The following LTBP1 variants were observed in gnomAD, a reference collection of about 807,000 sequenced individuals.
The protein encoded by LTBP1 is latent transforming growth factor beta binding protein 1.
In LTBP1, 129 loss-of-function variants were observed where a neutral mutation model predicts 207.6. The ratio of observed to expected loss-of-function variants is 0.62; its 90% CI spans 0.54 to 0.72. LTBP1 has a LOEUF of 0.72. Among genes scored for constraint, LTBP1 ranks in the 30% least tolerant of loss-of-function variants. The probability of loss-of-function intolerance (pLI) is 0.00; values close to 1 mark genes in which losing one functional copy is unlikely to be tolerated. For synonymous variants in LTBP1, 963 were observed against 833.7 expected (o/e 1.16, Z -2.67); for missense variants, 2,281 against 2,217.2 (o/e 1.03, Z -0.58).
At chr2:33,199,979 T>C (rs1357113784) in intron 7 of LTBP1, among the ~76,000 whole-genome samples, 3 of 151,918 alleles carry the variant, frequency 2.0e-5, no homozygotes, top group Non-Finnish European at 4.4e-5. Context: ...TAAAAGAGGA[T>C]ACAAACAAAT....
intron 7 of LTBP1, among the ~76,000 whole-genome samples, chr2:33,197,576 T>TG (rs1558797139): frequency 6.6e-6 from 1 of 152,178 alleles, no homozygotes; most frequent in Non-Finnish European, 1.5e-5. Flanking sequence ...TGTATAAGGG[T>TG]GTCCTTTGTT....
chr2:33,059,112 G>A (rs1572431096), intron 3 of LTBP1, among the ~76,000 whole-genome samples: 1 of 152,186 alleles, frequency 6.6e-6, no homozygotes, highest in African/African-American at 2.4e-5. Flanking sequence ...GGCAGCACTA[G>A]GCAATGCAAC....
intron 9 of LTBP1, among the ~76,000 whole-genome samples, chr2:33,238,600 A>T (rs891005794): frequency 6.6e-6 from 1 of 152,188 alleles, no homozygotes; most frequent in Non-Finnish European, 1.5e-5. Context: ...ATCAAGAGAA[A>T]CTCAGAGACT....
At chr2:33,228,477 T>G (rs1204755712) in intron 9 of LTBP1, among the ~76,000 whole-genome samples, 2 of 152,106 alleles carry the variant, frequency 1.3e-5, no homozygotes, top group African/African-American at 4.8e-5. Flanking sequence ...GGCCAGAACT[T>G]ATGCTATCAA....
At chr2:33,221,503 G>A (rs185327814) in intron 8 of LTBP1, among the ~76,000 whole-genome samples, 2 of 152,300 alleles carry the variant, frequency 1.3e-5, no homozygotes, top group East Asian at 3.9e-4. Context: ...TATTCTGAGT[G>A]TAGCCCTTTT....
At chr2:33,232,134 A>G (rs963993882) in intron 9 of LTBP1, among the ~76,000 whole-genome samples, 1 of 152,104 alleles carries the variant, frequency 6.6e-6, no homozygotes, top group African/African-American at 2.4e-5. Flanking sequence ...CAACCATCCT[A>G]GGAGGGTATT....
At chr2:33,387,920 C>T (rs1046293082) in intron 31 of LTBP1, among the ~76,000 whole-genome samples, 2 of 152,184 alleles carry the variant, frequency 1.3e-5, no homozygotes, top group Non-Finnish European at 2.9e-5. Context: ...CACTCATGTC[C>T]ATCTGGTCCT....
intron 3 of LTBP1, among the ~76,000 whole-genome samples, chr2:33,022,912 C>T (rs918201113): frequency 1.3e-5 from 2 of 152,040 alleles, no homozygotes; most frequent in African/African-American, 2.4e-5. Context: ...ATTTTTTTCT[C>T]AACCATTAAA....
chr2:32,959,732 T>A (rs1398507974), intron 2 of LTBP1, among the ~76,000 whole-genome samples: 1 of 150,016 alleles, frequency 6.7e-6, no homozygotes, highest in African/African-American at 2.5e-5. Flanking sequence ...GCGATTCTTC[T>A]GCCTCAGCCA....
At chr2:32,949,290 G>A (rs1676749712) in intron 2 of LTBP1, among the ~76,000 whole-genome samples, 1 of 152,244 alleles carries the variant, frequency 6.6e-6, no homozygotes, top group South Asian at 2.1e-4. Flanking sequence ...ATTTGAACAT[G>A]ATACCAACAA....
intron 3 of LTBP1, among the ~76,000 whole-genome samples, chr2:33,097,935 A>C (rs911988075): frequency 6.6e-6 from 1 of 152,206 alleles, no homozygotes; most frequent in Non-Finnish European, 1.5e-5. Flanking sequence ...CATGTTAAAT[A>C]TATATCCTTA....
chr2:33,313,798 G>C (rs930069290), intron 23 of LTBP1, among the ~76,000 whole-genome samples: 1 of 152,152 alleles, frequency 6.6e-6, no homozygotes, highest in Non-Finnish European at 1.5e-5. Flanking sequence ...TACCCAATAG[G>C]AGTCAGGAAC....
At chr2:33,104,836 C>T (rs528818154) in intron 3 of LTBP1, among the ~76,000 whole-genome samples, 3 of 152,244 alleles carry the variant, frequency 2.0e-5, no homozygotes, top group Admixed American at 6.5e-5. Context: ...TTCTTGCCCT[C>T]TCGAGAATAG....
chr2:33,188,447 A>AAAAAAAAAAAT, intron 6 of LTBP1, 130 bp from the exon 7 acceptor site: 4 of 668,166 alleles, frequency 6.0e-6, no homozygotes, highest in East Asian at 2.8e-5. Flanking sequence ...AAAAAAAAGA[A>AAAAAAAAAAAT]TTTTGATGGC....
At chr2:32,958,894 T>C (rs1261804074) in intron 2 of LTBP1, among the ~76,000 whole-genome samples, 7 of 152,224 alleles carry the variant, frequency 4.6e-5, no homozygotes, top group Non-Finnish European at 7.3e-5. Flanking sequence ...TTGAGATGAC[T>C]TTTCCTTTCT....
chr2:33,306,592 C>G (rs1482037402), intron 22 of LTBP1, among the ~76,000 whole-genome samples: 1 of 151,886 alleles, frequency 6.6e-6, no homozygotes, highest in African/African-American at 2.4e-5. Context: ...CAAAAACCAG[C>G]ATGAACAGAG....
intron 3 of LTBP1, among the ~76,000 whole-genome samples, chr2:33,102,117 G>A (rs1450166443): frequency 1.3e-5 from 2 of 152,106 alleles, no homozygotes; most frequent in Non-Finnish European, 2.9e-5. Flanking sequence ...CTCCAGGGTC[G>A]AAATTTCTGT....
At chr2:33,375,723 T>TA (rs1447151401) in intron 31 of LTBP1, among the ~76,000 whole-genome samples, 1 of 149,222 alleles carries the variant, frequency 6.7e-6, no homozygotes, top group Non-Finnish European at 1.5e-5. Context: ...TTTTTTTTTT[T>TA]AGTAGAGACG....
chr2:33,065,465 G>A (rs2077464720), intron 3 of LTBP1, among the ~76,000 whole-genome samples: 1 of 152,092 alleles, frequency 6.6e-6, no homozygotes, highest in Admixed American at 6.6e-5. Context: ...GATGTCGGAG[G>A]ATTACTTGAG....
Sources: allele counts gnomAD v4.1 joint callset (sites outside exome capture counted in the v4.1 genomes callset), GRCh38; gene constraint gnomAD v4.1.1; transcripts MANE v1.5; gene names NCBI Gene and HGNC (gene_info 2026-07-23, HGNC 2026-07-21).